The following NALCN variants were observed in gnomAD, a reference collection of about 807,000 sequenced individuals.
NALCN encodes sodium leak channel, non-selective, also known as sodium leak channel NALCN.
NALCN carries 111 observed loss-of-function variants against 225.3 expected under a neutral mutation model. That is an observed-to-expected ratio of 0.49 (90% CI 0.42 to 0.58). The LOEUF (loss-of-function observed/expected upper bound fraction) is 0.58, where lower values mean the gene tolerates loss of function less well. NALCN is among the 20% of genes least tolerant of loss of function. The probability of loss-of-function intolerance (pLI) is 0.00; values close to 1 mark genes in which losing one functional copy is unlikely to be tolerated. For missense variants in NALCN, 1,378 were observed against 2,202.4 expected (o/e 0.63, Z 7.49); for synonymous variants, 764 against 769.0 (o/e 0.99, Z 0.11).
intron 14 of NALCN, among the ~76,000 whole-genome samples, chr13:101,191,411 T>A (rs1331426240): frequency 6.6e-6 from 1 of 152,014 alleles, no homozygotes; most frequent in East Asian, 1.9e-4. Context: ...CAGCAATGTG[T>A]TTTATTTTTT....
chr13:101,104,387 G>A lies in NALCN; in HGVS notation c.2797C>T (p.Leu933Phe), dbSNP rs1470829015. The A allele has an allele frequency of 6.2e-7, 1 of 1,613,780 alleles. No individual in the cohort carries two copies. ...CCATCTGCCATAATCTTCAGATTAA[G>A]CTCAATGCTCATGAATATCACAAAC... is the stretch of plus-strand genomic sequence containing the variant. ...YVFVIFMSIE[L>F]NLKIMADGLF... is the part of the protein sequence containing the mutation. The change falls in exon 25 of 44, where the codon CTT becomes TTT. Residue 933 changes from leucine to phenylalanine, a missense_variant. Coordinates refer to ENST00000251127, the MANE Select transcript of NALCN (RefSeq NM_052867.4). This position sits in a 1 kb window ranked among gnomAD's most constrained non-coding sequence, Gnocchi z 4.2.
intron 15 of NALCN, among the ~76,000 whole-genome samples, chr13:101,170,396 T>A (rs1327163284): frequency 2.6e-5 from 4 of 152,154 alleles, no homozygotes; most frequent in Non-Finnish European, 4.4e-5. Context: ...TTAACGACAT[T>A]GGGGAAGGAG....
intron 7 of NALCN, among the ~76,000 whole-genome samples, chr13:101,326,717 G>A (rs1461212734): frequency 6.6e-6 from 1 of 152,214 alleles, no homozygotes; most frequent in Non-Finnish European, 1.5e-5. Flanking sequence ...GCAAAATATG[G>A]TGGGTTAAAG....
At chr13:101,136,201 TCA>T (rs994080005) in intron 17 of NALCN, among the ~76,000 whole-genome samples, 2 of 152,204 alleles carry the variant, frequency 1.3e-5, no homozygotes, top group Non-Finnish European at 2.9e-5. Flanking sequence ...GGGTGAGTGC[TCA>T]CACACACAGA....
chr13:101,177,409 G>GCATATATATATATATATATATA (rs1555305754), intron 14 of NALCN, among the ~76,000 whole-genome samples: 1 of 124,328 alleles, frequency 8.0e-6, no homozygotes, highest in Non-Finnish European at 1.8e-5. Context: ...GTAAATACGA[G>GCATATATATATATATATATATA]TATATATATA....
At chr13:101,319,359 A>G (rs1218936201) in intron 7 of NALCN, among the ~76,000 whole-genome samples, 5 of 152,106 alleles carry the variant, frequency 3.3e-5, no homozygotes, top group Non-Finnish European at 7.3e-5. Context: ...TGCCAAACCT[A>G]CTGATAGTGG....
At chr13:101,230,196 A>T (rs1002739327) in intron 12 of NALCN, among the ~76,000 whole-genome samples, 1 of 152,212 alleles carries the variant, frequency 6.6e-6, no homozygotes, top group Non-Finnish European at 1.5e-5. Flanking sequence ...TCTGACAAAC[A>T]TCGAAAGCCA....
chr13:101,396,650 A>G (rs2047301901), intron 2 of NALCN, among the ~76,000 whole-genome samples: 1 of 152,066 alleles, frequency 6.6e-6, no homozygotes, highest in Admixed American at 6.6e-5. Context: ...AGGTTGATGT[A>G]TTTTTCATGC....
intron 11 of NALCN, among the ~76,000 whole-genome samples, chr13:101,253,317 C>T (rs2042116826): frequency 6.6e-6 from 1 of 152,074 alleles, no homozygotes; most frequent in African/African-American, 2.4e-5. Flanking sequence ...TGAGTTGGCT[C>T]TTAATGGGTA....
rs543380646 is a variant in NALCN, at chr13:101,271,893, A to G, written c.1134+12040T>C. ...TGTGTAGCCATATGCATGTGTGCATATGTGTGTGCGTGTGATTGTGTGTCA... is the reference window on the plus strand; with the variant it reads ...TGTGTAGCCATATGCATGTGTGCATGTGTGTGTGCGTGTGATTGTGTGTCA... On this transcript the variant is annotated intron_variant, in intron 10 of 43. Coordinates refer to ENST00000251127, the MANE Select transcript of NALCN (RefSeq NM_052867.4). Among the ~76,000 whole-genome samples, 249 of 112,714 alleles carry G rather than the reference A, an allele frequency of 2.2e-3. 1 individual carries two copies. The highest frequency in any genetic ancestry group is 9.3e-3 in the African/African-American group (238 of 25,644). 73.9% of individuals were successfully genotyped at this position (112,714 alleles called of 152,430 possible).
At chr13:101,321,212 A>C (rs2044736297) in intron 7 of NALCN, among the ~76,000 whole-genome samples, 1 of 151,100 alleles carries the variant, frequency 6.6e-6, no homozygotes, top group African/African-American at 2.4e-5. Flanking sequence ...CCTTAAAATA[A>C]ATAATAGACA....
At chr13:101,366,123 A>G (rs1247196210) in intron 6 of NALCN, among the ~76,000 whole-genome samples, 1 of 152,128 alleles carries the variant, frequency 6.6e-6, no homozygotes, top group Non-Finnish European at 1.5e-5. Context: ...TGTTTCTGCT[A>G]CAAGCCATTG....
intron 18 of NALCN, 93 bp downstream of exon 18, chr13:101,124,515 G>A: frequency 9.3e-7 from 1 of 1,075,734 alleles, no homozygotes; most frequent in Non-Finnish European, 1.4e-6. Flanking sequence ...ATATGCTGAT[G>A]CCCAGAACAT....
At chr13:101,289,489 T>C (rs1394341342) in intron 9 of NALCN, among the ~76,000 whole-genome samples, 1 of 151,058 alleles carries the variant, frequency 6.6e-6, no homozygotes, top group Non-Finnish European at 1.5e-5. Flanking sequence ...AGCTGCCTAA[T>C]ATAACAGAAA....
At chr13:101,382,391 T>C (rs1446029806) in intron 3 of NALCN, among the ~76,000 whole-genome samples, 1 of 152,154 alleles carries the variant, frequency 6.6e-6, no homozygotes, top group East Asian at 1.9e-4. Context: ...GACCAATGCT[T>C]ACATGTTAAA....
Position 101,110,709 on chromosome 13 carries a change from G to T in NALCN, c.2295-21C>A, listed in dbSNP as rs747329960. 4.3e-6 allele frequency: 7 copies of T among 1,612,788 alleles called. No individual in the cohort carries two copies. The South Asian group carries it at 5.5e-5, about 13-fold the overall frequency. On this transcript the variant is annotated intron_variant, in intron 19 of 43. Transcript: ENST00000251127. ...GTGACCTAAAACAACCACAGGCACT[G>T]GTTAATACATCTCAAGATCAAACTG...
chr13:101,073,563 T>C (rs1325152520), intron 37 of NALCN, 21 bp downstream of exon 37: 1 of 1,591,962 alleles, frequency 6.3e-7, no homozygotes, highest in African/African-American at 1.3e-5. Flanking sequence ...CTAAGCCTTG[T>C]TCATGATGAG....
In NALCN at chr13:101,239,750, T is replaced by G. The variant is rs140855926; in HGVS notation, c.1267-1828A>C. Among the ~76,000 whole-genome samples the G allele has an allele frequency of 8.4e-3, 1,283 of 152,172 alleles. 10 individuals carry two copies. Among genetic ancestry groups the G allele is most frequent in the South Asian group, 0.028 (135 of 4,824 alleles). ...GAGGCTTTCATATCTATAAATAGAT[T>G]TCCAAAGTTGGTATTGCTGGGGCAA... On this transcript the variant is annotated intron_variant, in intron 11 of 43. Transcript: ENST00000251127.
intron 17 of NALCN, among the ~76,000 whole-genome samples, chr13:101,131,487 C>G (rs2036517206): frequency 6.6e-6 from 1 of 152,078 alleles, no homozygotes; most frequent in Non-Finnish European, 1.5e-5. Flanking sequence ...AGCTTTCTTT[C>G]TGGAATTTCC....
Sources: allele counts gnomAD v4.1 joint callset (sites outside exome capture counted in the v4.1 genomes callset), GRCh38; gene constraint gnomAD v4.1.1; non-coding constraint Gnocchi (gnomAD v3.1); transcripts MANE v1.5; gene names NCBI Gene and HGNC (gene_info 2026-07-23, HGNC 2026-07-21).